ZNF28: variants seen among roughly 807,000 people sequenced by gnomAD.
ZNF28 encodes zinc finger protein 28.
A neutral mutation model predicts 7.2 loss-of-function variants in ZNF28; 5 were observed. The observed-to-expected ratio is 0.70, with a 90% CI of 0.36 to 1.46. The LOEUF (loss-of-function observed/expected upper bound fraction) is 1.46, where lower values mean the gene tolerates loss of function less well. Ranked by LOEUF, ZNF28 falls within the 40% of genes most tolerant of loss-of-function variation. The probability of loss-of-function intolerance (pLI) is 0.03; values close to 1 mark genes in which losing one functional copy is unlikely to be tolerated. For synonymous variants in ZNF28, 288 were observed against 292.4 expected, an observed-to-expected ratio of 0.99 and a Z score of 0.15; for missense variants, 879 against 866.6, an observed-to-expected ratio of 1.01 and a Z score of -0.18.
chr19:52,807,132 G>T (rs2062947056), intron 3 of ZNF28, among the ~76,000 whole-genome samples: 1 of 152,014 alleles, frequency 6.6e-6, no homozygotes, highest in Admixed American at 6.6e-5. Context: ...GGATTTTTTT[G>T]TTATTTTCAC....
chr19:52,801,835 AAAAGG>A, intron 3 of ZNF28, 133 bp from the exon 4 acceptor site: 1 of 836,680 alleles, frequency 1.2e-6, no homozygotes, highest in Non-Finnish European at 1.8e-6. Context: ...TTAAGAACAC[AAAAGG>A]AGTAAGATTC....
At chr19:52,814,225 C>T (rs546264350) in intron 2 of ZNF28, 4 of 146,108 alleles carry the variant, frequency 2.7e-5, no homozygotes, top group African/African-American at 8.0e-5. Flanking sequence ...TAAGCTGCAG[C>T]TTTCTTGGAG....
At chr19:52,809,914 G>A in intron 2 of ZNF28, 4 of 841,316 alleles carry the variant, frequency 4.8e-6, no homozygotes, top group African/African-American at 1.7e-5. Context: ...CTTGTGCCCG[G>A]GGCCGGTGGG....
intron 2 of ZNF28, among the ~76,000 whole-genome samples, chr19:52,815,150 T>C (rs1265451994): frequency 6.9e-6 from 1 of 144,512 alleles, no homozygotes; most frequent in African/African-American, 2.7e-5. Flanking sequence ...GCAAGATTTG[T>C]TTAACCGAAG....
chr19:52,820,413 G>A lies in ZNF28; in HGVS notation c.-74+1173C>T, dbSNP rs572343683. ...ATTACAGGCGTGAGCCACCGCGCCC[G>A]GCCCTTATTTAACCTCTTGTTGGTC... On this transcript the variant is annotated intron_variant, in intron 1 of 3. Coordinates refer to ENST00000457749, the MANE Select transcript of ZNF28 (RefSeq NM_006969.5). Among the ~76,000 whole-genome samples, 117 of 146,192 alleles carry A rather than the reference G, an allele frequency of 8.0e-4. 8 individuals are homozygous for A. The highest frequency in any genetic ancestry group is 5.3e-4 in the Non-Finnish European group (36 of 67,454).
At chr19:52,804,400 T>G (rs1258902066) in intron 3 of ZNF28, among the ~76,000 whole-genome samples, 1 of 152,178 alleles carries the variant, frequency 6.6e-6, no homozygotes, top group African/African-American at 2.4e-5. Flanking sequence ...CAGCCCAGTC[T>G]TACTCTGTCT....
chr19:52,801,441 T>G lies in ZNF28; in HGVS notation c.404A>C (p.His135Pro), dbSNP rs780214521. The G allele has an allele frequency of 3.4e-5, 55 of 1,614,224 alleles. No homozygotes were observed. Among genetic ancestry groups the G allele is most frequent in the Non-Finnish European group, 4.7e-5 (55 of 1,180,030 alleles). Residue 135 changes from histidine (H) to proline (P), a missense_variant, in exon 4 of 4, where the codon CAT becomes CCT. Transcript: ENST00000457749. ...QHDQRHAGNK[H>P]IKDQLGLSFH... is the part of the protein sequence containing the mutation. Reference sequence around the variant, plus strand: ...GCTTAATCCAAGCTGATCTTTAATATGCTTGTTTCCAGCATGCCTTTGATC... The same window carrying G: ...GCTTAATCCAAGCTGATCTTTAATAGGCTTGTTTCCAGCATGCCTTTGATC...
chr19:52,807,923 G>T, intron 3 of ZNF28, 84 bp downstream of exon 3: 2 of 1,590,438 alleles, frequency 1.3e-6, no homozygotes, highest in Non-Finnish European at 1.7e-6. Context: ...TTCCATTTTA[G>T]TCAAGTAAGG....
rs1198315319 is a variant in ZNF28, at chr19:52,810,322, G to T, written c.16-2189C>A. Reference sequence around the variant, plus strand: ...GCTGATGCCCGTTCCATCAATGCTGGCAATGTGGACTGCGGTGCAACAGCA... The same window carrying T: ...GCTGATGCCCGTTCCATCAATGCTGTCAATGTGGACTGCGGTGCAACAGCA... On this transcript the variant is annotated intron_variant, in intron 2 of 3. Transcript: ENST00000457749. The T allele has an allele frequency of 5.0e-6, 8 of 1,596,636 alleles. No individual in the cohort carries two copies. The East Asian group carries it at 1.6e-4, about 31-fold the overall frequency.
Position 52,810,384 on chromosome 19 carries a change from G to A in ZNF28, c.16-2251C>T, listed in dbSNP as rs1460918202. The A allele has an allele frequency of 3.1e-6, 5 of 1,604,908 alleles. No individual in the cohort carries two copies. In the East Asian group the frequency reaches 1.1e-4, roughly 36 times the overall value. On this transcript the variant is annotated intron_variant, in intron 2 of 3. Coordinates refer to ENST00000457749, the MANE Select transcript of ZNF28 (RefSeq NM_006969.5). ...AGCTCACTTTCATGGCTGTGGTTCA[G>A]TCAACCACGTTACCATACTCTGTGA...
intron 2 of ZNF28, among the ~76,000 whole-genome samples, chr19:52,812,076 C>T (rs1356429039): frequency 2.2e-5 from 2 of 92,584 alleles, no homozygotes; most frequent in African/African-American, 1.2e-4. Context: ...CGCCTCTGCC[C>T]GGCCGCCCCT....
In ZNF28 at chr19:52,808,109, C is replaced by T. The variant is rs759403530; in HGVS notation, c.40G>A (p.Ala14Thr). 135 of 1,613,184 alleles carry T rather than the reference C, an allele frequency of 8.4e-5. No individual in the cohort carries two copies. The highest frequency in any genetic ancestry group is 8.8e-5 in the Non-Finnish European group (104 of 1,179,416). Residue 14 changes from alanine to threonine, a missense_variant, in exon 3 of 4, where the codon GCC (alanine) becomes ACC (threonine). Around this residue, in one of 2 missense-constraint regions of ZNF28, gnomAD observed 864 missense variants for 830.2 expected, o/e 1.04. Coordinates refer to ENST00000457749, the MANE Select transcript of ZNF28 (RefSeq NM_006969.5). ...CACTCCTCCTGAGAGAATTCTATGG[C>T]CACGTCCCTGAATGTCAATAGACCC... ...PQGLLTFRDV[A>T]IEFSQEEWKC...
chr19:52,818,142 C>G, intron 1 of ZNF28, 111 bp from the exon 2 acceptor site: 1 of 1,146,660 alleles, frequency 8.7e-7, no homozygotes, highest in Non-Finnish European at 1.2e-6. Context: ...GTCCCCTATG[C>G]TGCCTACCGC....
In ZNF28 at chr19:52,798,555, T is replaced by A. The variant is rs7253764; in HGVS notation, c.*1133A>T. On this transcript the variant is annotated 3_prime_UTR_variant, in exon 4 of 4. Coordinates refer to ENST00000457749, the MANE Select transcript of ZNF28 (RefSeq NM_006969.5). ...TCCAGCATGGATTCTCTGATGTCTA[T>A]TGAGGTGTGAATGTGAAGTAAACGC... The A allele has an allele frequency of 1.8e-5, 9 of 506,038 alleles. No homozygotes were observed. Among genetic ancestry groups the A allele is most frequent in the Admixed American group, 6.4e-5 (3 of 46,636 alleles). The allele number at this position is 506,038 out of a possible 1,614,324, so 31.3% of individuals were successfully genotyped here.
At chr19:52,806,808 A>AT (rs2062942839) in intron 3 of ZNF28, among the ~76,000 whole-genome samples, 1 of 152,094 alleles carries the variant, frequency 6.6e-6, no homozygotes, top group Non-Finnish European at 1.5e-5. Context: ...AATCTGGGGC[A>AT]TAAGCATCCT....
intron 3 of ZNF28, among the ~76,000 whole-genome samples, chr19:52,807,042 A>G (rs1471934193): frequency 1.3e-5 from 2 of 152,098 alleles, no homozygotes; most frequent in Non-Finnish European, 2.9e-5. Flanking sequence ...TTCCCCACAC[A>G]CTATTTGAAG....
At chr19:52,818,084 T>G in intron 1 of ZNF28, 53 bp from the exon 2 acceptor site, 1 of 1,484,666 alleles carries the variant, frequency 6.7e-7, no homozygotes, top group Non-Finnish European at 9.2e-7. Flanking sequence ...ATCCCCTCCC[T>G]GTAACACAAC....
chr19:52,820,349 C>T (rs2063180250), intron 1 of ZNF28, among the ~76,000 whole-genome samples: 2 of 136,792 alleles, frequency 1.5e-5, no homozygotes, highest in African/African-American at 6.1e-5. Flanking sequence ...GATCTCCTGA[C>T]CTCATGATCC....
In ZNF28 at chr19:52,800,248, T is replaced by G; in HGVS notation, c.1597A>C (p.Ser533Arg). The G allele has an allele frequency of 6.2e-7, 1 of 1,613,290 alleles. No homozygotes were observed. Among genetic ancestry groups the G allele is most frequent in the South Asian group, 1.1e-5 (1 of 91,034 alleles). ...YMCNECGKVF[S>R]TKANLACHHK... ...TGACATGCAAGGTTTGCTTTTGTACTAAAAACCTTGCCACATTCATTACAC... is the reference window on the plus strand; with the variant it reads ...TGACATGCAAGGTTTGCTTTTGTACGAAAAACCTTGCCACATTCATTACAC... The change falls in exon 4 of 4, where the codon AGT (serine) becomes CGT (arginine). Residue 533 changes from serine (S) to arginine (R), a missense_variant. By Grantham distance (110) the Ser-to-Arg change is moderately radical. Transcript: ENST00000457749.
Sources: gnomAD v4.1 joint callset for allele counts (sites outside exome capture counted in the v4.1 genomes callset) on GRCh38, gnomAD v4.1.1 for gene constraint, gnomAD v4.1.1 regional missense constraint, MANE v1.5 for transcripts, NCBI Gene and HGNC (gene_info 2026-07-23, HGNC 2026-07-21) for gene names.